Variants in NOS1AP observed in about 807,000 individuals in gnomAD.
NOS1AP encodes the protein carboxyl-terminal PDZ ligand of neuronal nitric oxide synthase protein.
Under a neutral mutation model 56.2 loss-of-function variants are expected in NOS1AP, and 21 were observed. That is an observed-to-expected ratio of 0.37 (90% CI 0.26 to 0.54). The LOEUF is 0.54. Among genes scored for constraint, NOS1AP ranks in the 20% least tolerant of loss-of-function variants. The pLI, the probability that NOS1AP is intolerant of heterozygous loss-of-function variation, is 0.84. For missense variants in NOS1AP, 522 were observed against 657.8 expected, an observed-to-expected ratio of 0.79 and a Z score of 2.26; for synonymous variants, 270 against 274.6, an observed-to-expected ratio of 0.98 and a Z score of 0.17.
chr1:162,116,096 T>C (rs1647937204), intron 1 of NOS1AP, among the ~76,000 whole-genome samples: 1 of 152,184 alleles, frequency 6.6e-6, no homozygotes, highest in Admixed American at 6.5e-5. Flanking sequence ...GAATATTTCC[T>C]TTTAAGATCT....
Position 162,367,356 on chromosome 1 carries a change from G to T in NOS1AP, c.1410G>T (p.Thr470=). The T allele has an allele frequency of 6.2e-7, 1 of 1,612,370 alleles. No individual in the cohort carries two copies. The highest frequency in any genetic ancestry group is 8.5e-7 in the Non-Finnish European group (1 of 1,179,478). ...TCGCCTCGGAGTACGAGTCCAACAC[G>T]GACGAGAGCGAGGAGCGCGACTCGT... ...SGIASEYESN[T]DESEERDSWS... The change falls in exon 10 of 10, where the codon ACG becomes ACT. Residue 470 remains threonine, a synonymous_variant. Coordinates refer to ENST00000361897, the MANE Select transcript of NOS1AP (RefSeq NM_014697.3). This position sits in a 1 kb window ranked among gnomAD's most constrained non-coding sequence, Gnocchi z 6.5.
rs1173105371 is a variant in NOS1AP at position 162,369,230 on chromosome 1, G to A, written c.*1763G>A. On this transcript the variant is annotated 3_prime_UTR_variant, in exon 10 of 10. Transcript: ENST00000361897. ...ATTTGTGTTTTCTAACATGCATTTA[G>A]TTGGAGAGGCATGGTTCTGTTTGTT... 6.6e-6 allele frequency: 1 copy of A among 152,222 alleles called. No homozygotes were observed. Among genetic ancestry groups the A allele is most frequent in the Non-Finnish European group, 1.5e-5 (1 of 68,054 alleles). The allele number at this position is 152,222 out of a possible 1,614,324, so 9.4% of individuals were successfully genotyped here.
At chr1:162,076,898 T>C (rs2102011021) in intron 1 of NOS1AP, among the ~76,000 whole-genome samples, 1 of 152,328 alleles carries the variant, frequency 6.6e-6, no homozygotes, top group South Asian at 2.1e-4. Flanking sequence ...GTTTCAGGGT[T>C]CATCTATAAT....
chr1:162,179,350 G>A (rs1000230964), intron 2 of NOS1AP, among the ~76,000 whole-genome samples: 5 of 152,130 alleles, frequency 3.3e-5, no homozygotes, highest in Admixed American at 6.5e-5. Flanking sequence ...CTAGGAAGCC[G>A]GCTAGCTGGC....
intron 1 of NOS1AP, among the ~76,000 whole-genome samples, chr1:162,085,147 G>C (rs1384821452): frequency 6.6e-6 from 1 of 152,070 alleles, no homozygotes; most frequent in Non-Finnish European, 1.5e-5. Context: ...CAACCAGTCT[G>C]GGAGATGTGA....
chr1:162,242,216 T>G (rs1653508803), intron 2 of NOS1AP, among the ~76,000 whole-genome samples: 1 of 152,066 alleles, frequency 6.6e-6, no homozygotes, highest in African/African-American at 2.4e-5. Flanking sequence ...TCAGTGTGGG[T>G]TTTTAAAACA....
At chr1:162,181,443 A>C (rs906557699) in intron 2 of NOS1AP, among the ~76,000 whole-genome samples, 8 of 152,236 alleles carry the variant, frequency 5.3e-5, no homozygotes, top group Non-Finnish European at 5.9e-5. Flanking sequence ...TGCAAAATTC[A>C]ATATGATCTA....
chr1:162,292,140 A>G (rs80119673), intron 3 of NOS1AP, among the ~76,000 whole-genome samples: 1 of 152,248 alleles, frequency 6.6e-6, no homozygotes, highest in Admixed American at 6.5e-5. Flanking sequence ...CATAGGTTAC[A>G]TAAGGATATT....
At chr1:162,354,132 C>T (rs1174661546) in intron 6 of NOS1AP, among the ~76,000 whole-genome samples, 1 of 152,200 alleles carries the variant, frequency 6.6e-6, no homozygotes. Flanking sequence ...ATTTGTTCTA[C>T]AAGGCAAGCA....
At chr1:162,199,983 T>C (rs1322915061) in intron 2 of NOS1AP, among the ~76,000 whole-genome samples, 1 of 152,152 alleles carries the variant, frequency 6.6e-6, no homozygotes, top group Non-Finnish European at 1.5e-5. Context: ...GTAGAAGCCA[T>C]GTGCATGGAG....
intron 2 of NOS1AP, among the ~76,000 whole-genome samples, chr1:162,283,903 G>A (rs891294630): frequency 2.6e-5 from 4 of 152,220 alleles, no homozygotes; most frequent in Admixed American, 6.5e-5. Flanking sequence ...CTGCAGGGCT[G>A]GCATGGGCTT....
intron 2 of NOS1AP, among the ~76,000 whole-genome samples, chr1:162,240,244 A>AGCGTGTGTGTGTGT (rs373369196): frequency 1.4e-5 from 2 of 141,220 alleles, no homozygotes; most frequent in African/African-American, 5.4e-5. Flanking sequence ...CTGTGTGGCC[A>AGCGTGTGTGTGTGT]GTGTGTGTGT....
chr1:162,344,280 T>A (rs1657206008), intron 6 of NOS1AP, among the ~76,000 whole-genome samples: 1 of 152,098 alleles, frequency 6.6e-6, no homozygotes, highest in Non-Finnish European at 1.5e-5. Context: ...ATAAAACAAA[T>A]TAGAAAGAAC....
intron 3 of NOS1AP, among the ~76,000 whole-genome samples, chr1:162,290,387 CTTG>C (rs1655249990): frequency 6.6e-6 from 1 of 152,178 alleles, no homozygotes; most frequent in Non-Finnish European, 1.5e-5. Context: ...TTTTTGTCAT[CTTG>C]TTCTCATATG....
chr1:162,293,079 G>T (rs577285994), intron 3 of NOS1AP, among the ~76,000 whole-genome samples: 1 of 152,160 alleles, frequency 6.6e-6, no homozygotes, highest in Admixed American at 6.6e-5. Context: ...GTGCACATGG[G>T]AGGATTTATT....
At chr1:162,312,093 T>C (rs1408303830) in intron 4 of NOS1AP, among the ~76,000 whole-genome samples, 3 of 151,208 alleles carry the variant, frequency 2.0e-5, no homozygotes, top group South Asian at 4.2e-4. Context: ...TTTGGGTATA[T>C]ACCCAGCAAT....
At chr1:162,081,522 C>T (rs941137361) in intron 1 of NOS1AP, among the ~76,000 whole-genome samples, 1 of 150,624 alleles carries the variant, frequency 6.6e-6, no homozygotes, top group African/African-American at 2.4e-5. Context: ...AATGCCCATG[C>T]CCTTTTCCTT....
intron 2 of NOS1AP, among the ~76,000 whole-genome samples, chr1:162,269,247 A>G (rs1308727155): frequency 1.3e-5 from 2 of 152,222 alleles, no homozygotes; most frequent in Non-Finnish European, 2.9e-5. Flanking sequence ...TTCTCAAGAT[A>G]AAATATCCCT....
At chr1:162,223,762 A>G (rs1293244468) in intron 2 of NOS1AP, among the ~76,000 whole-genome samples, 4 of 152,246 alleles carry the variant, frequency 2.6e-5, no homozygotes, top group Non-Finnish European at 5.9e-5. Context: ...TGCGCCTTGC[A>G]GTTCAGAATA....
Sources: allele counts gnomAD v4.1 joint callset (sites outside exome capture counted in the v4.1 genomes callset), GRCh38; gene constraint gnomAD v4.1.1; non-coding constraint Gnocchi (gnomAD v3.1); transcripts MANE v1.5; gene names NCBI Gene and HGNC (gene_info 2026-07-23, HGNC 2026-07-21).